Variants in CDC37L1 observed in about 807,000 individuals in gnomAD.
CDC37L1 encodes the protein cell division cycle 37 like 1, HSP90 cochaperone, also known as hsp90 co-chaperone Cdc37-like 1.
In CDC37L1, 32 loss-of-function variants were observed where a neutral mutation model predicts 45.9. That is an observed-to-expected ratio of 0.70 (90% CI 0.53 to 0.94). The LOEUF (loss-of-function observed/expected upper bound fraction) is 0.94. CDC37L1 is among the 40% of genes least tolerant of loss of function. CDC37L1 has a pLI of 0.00. For missense variants in CDC37L1, 434 were observed against 405.7 expected, an observed-to-expected ratio of 1.07 and a Z score of -0.60; for synonymous variants, 150 against 133.0, an observed-to-expected ratio of 1.13 and a Z score of -0.88.
intron 2 of CDC37L1, among the ~76,000 whole-genome samples, chr9:4,686,338 C>T (rs777322056): frequency 3.3e-5 from 5 of 152,178 alleles, no homozygotes; most frequent in Non-Finnish European, 5.9e-5. Context: ...ATATCTTTCT[C>T]GACTTTCTCT....
rs1484438850 is a variant in CDC37L1 at position 4,707,720 on chromosome 9, G to A, written c.*1608G>A. ...TTTTTTTTAAACCCATGACCTAGTCGTAGACATTTTTTTCTTTTTGTTCTG... is the reference window on the plus strand; with the variant it reads ...TTTTTTTTAAACCCATGACCTAGTCATAGACATTTTTTTCTTTTTGTTCTG... On this transcript the variant is annotated 3_prime_UTR_variant, in exon 7 of 7. Coordinates refer to ENST00000381854, the MANE Select transcript of CDC37L1 (RefSeq NM_017913.4). The A allele has an allele frequency of 6.6e-6, 1 of 150,746 alleles. No individual in the cohort carries two copies. Among genetic ancestry groups the A allele is most frequent in the Non-Finnish European group, 1.5e-5 (1 of 67,852 alleles). 9.3% of individuals were successfully genotyped at this position (150,746 alleles called of 1,614,324 possible). A position where few individuals can be genotyped will look rare whatever the true frequency, so the allele number is the denominator to read the frequency against.
intron 1 of CDC37L1, among the ~76,000 whole-genome samples, chr9:4,680,334 C>T (rs897032569): frequency 6.6e-6 from 1 of 152,232 alleles, no homozygotes; most frequent in African/African-American, 2.4e-5. Flanking sequence ...TGTAGTTCAG[C>T]ATCACACTGA....
chr9:4,701,790 T>C (rs1023463711), intron 5 of CDC37L1, 74 bp from the exon 6 acceptor site: 64 of 1,156,698 alleles, frequency 5.5e-5, no homozygotes, highest in East Asian at 2.7e-4. Context: ...AAACCTGTTA[T>C]ATGCTTTCTG....
intron 3 of CDC37L1, among the ~76,000 whole-genome samples, chr9:4,695,772 C>G (rs1049070367): frequency 6.6e-6 from 1 of 152,162 alleles, no homozygotes; most frequent in Admixed American, 6.5e-5. Context: ...GCTGAGATTA[C>G]AAGCATGTGC....
intron 5 of CDC37L1, among the ~76,000 whole-genome samples, chr9:4,698,386 AC>A (rs1841366939): frequency 6.6e-6 from 1 of 150,898 alleles, no homozygotes; most frequent in African/African-American, 2.4e-5. Flanking sequence ...TATTTATGGA[AC>A]TTTTGTAATG....
chr9:4,686,358 C>T (rs1381759358), intron 2 of CDC37L1, among the ~76,000 whole-genome samples: 1 of 152,142 alleles, frequency 6.6e-6, no homozygotes, highest in Non-Finnish European at 1.5e-5. Context: ...TGTGCCTGTA[C>T]TAATTTATAT....
rs972323889 is a variant in CDC37L1, at chr9:4,688,441, T to C, written c.415-72T>C. On this transcript the variant is annotated intron_variant, in intron 2 of 6. Coordinates refer to ENST00000381854, the MANE Select transcript of CDC37L1 (RefSeq NM_017913.4). ...ATTGTCTATAGGAAGAATTGCTAGA[T>C]ATTCAGTATCTGAGAAAGAAGATTC... is the stretch of plus-strand genomic sequence containing the variant. The C allele has an allele frequency of 6.4e-5, 52 of 815,934 alleles. No individual in the cohort carries two copies. In the Admixed American group the frequency reaches 1.4e-3, roughly 23 times the overall value. The allele number at this position is 815,934 out of a possible 1,614,324, so 50.5% of individuals were successfully genotyped here. A position where few individuals can be genotyped will look rare whatever the true frequency, so the allele number is the denominator to read the frequency against.
chr9:4,692,655 A>C (rs1042774951), intron 3 of CDC37L1, among the ~76,000 whole-genome samples: 1 of 152,232 alleles, frequency 6.6e-6, no homozygotes, highest in African/African-American at 2.4e-5. Context: ...TTGTGGTAGA[A>C]TTACAGCTAA....
chr9:4,692,810 G>C (rs1841313977), intron 3 of CDC37L1, among the ~76,000 whole-genome samples: 1 of 152,184 alleles, frequency 6.6e-6, no homozygotes, highest in Non-Finnish European at 1.5e-5. Flanking sequence ...TGTATTAACT[G>C]ATCATAGTAG....
chr9:4,703,847 C>T (rs1841420798), intron 6 of CDC37L1, among the ~76,000 whole-genome samples: 1 of 152,170 alleles, frequency 6.6e-6, no homozygotes, highest in Non-Finnish European at 1.5e-5. Flanking sequence ...TAGAATTATA[C>T]AATTCTGACA....
chr9:4,688,470 T>C, intron 2 of CDC37L1, 43 bp from the exon 3 acceptor site: 1 of 1,049,544 alleles, frequency 9.5e-7, no homozygotes. Context: ...AAGATTCAAT[T>C]AGAATTTAAA....
chr9:4,700,978 G>T lies in CDC37L1; in HGVS notation c.748-886G>T, dbSNP rs545576603. 4.6e-5 allele frequency among the ~76,000 whole-genome samples: 7 copies of T among 152,012 alleles called. No homozygotes were observed. In the East Asian group the frequency reaches 1.4e-3, roughly 30 times the overall value. ...TCCACACAAGTTCTTATAAAGTGAG[G>T]TGCTAAAATGTAATTAAGGAAATTC... On this transcript the variant is annotated intron_variant, in intron 5 of 6. Coordinates refer to ENST00000381854, the MANE Select transcript of CDC37L1 (RefSeq NM_017913.4).
chr9:4,680,055 C>T (rs188651746), intron 1 of CDC37L1, among the ~76,000 whole-genome samples, 156 bp downstream of exon 1: 2 of 152,352 alleles, frequency 1.3e-5, no homozygotes, highest in African/African-American at 4.8e-5. Context: ...TGCCATCCCA[C>T]CCCTTTTATG....
At chr9:4,698,213 T>G (rs1482058694) in intron 5 of CDC37L1, among the ~76,000 whole-genome samples, 1 of 151,984 alleles carries the variant, frequency 6.6e-6, no homozygotes, top group Non-Finnish European at 1.5e-5. Flanking sequence ...GATGCATTAT[T>G]GAGCAAAATA....
chr9:4,681,000 A>G (rs1191553692), intron 1 of CDC37L1, among the ~76,000 whole-genome samples: 2 of 152,216 alleles, frequency 1.3e-5, no homozygotes, highest in East Asian at 3.8e-4. Context: ...CTGGGGAACT[A>G]CAAGACATTT....
intron 2 of CDC37L1, 107 bp downstream of exon 2, chr9:4,685,265 C>A (rs1302985731): frequency 9.3e-6 from 8 of 862,072 alleles, no homozygotes; most frequent in Non-Finnish European, 1.5e-5. Context: ...AAACAGTGTT[C>A]AATTTTGACA....
rs147040693 is a variant in CDC37L1, at chr9:4,707,668, A to G, written c.*1556A>G. The stretch of plus-strand genomic sequence containing the variant: ...AATAAAATGTTTGACTAATTTATAT[A>G]GTAGTGTTTGTCAGCCTGTACTTTT... On this transcript the variant is annotated 3_prime_UTR_variant, in exon 7 of 7. Transcript: ENST00000381854. 33 of 151,996 alleles carry G rather than the reference A, an allele frequency of 2.2e-4. No homozygotes were observed. Among genetic ancestry groups the G allele is most frequent in the African/African-American group, 8.0e-4 (33 of 41,484 alleles). 9.4% of individuals were successfully genotyped at this position (151,996 alleles called of 1,614,324 possible).
intron 1 of CDC37L1, 26 bp downstream of exon 1, chr9:4,679,925 A>C: frequency 6.2e-7 from 1 of 1,612,582 alleles, no homozygotes; most frequent in Non-Finnish European, 8.5e-7. Flanking sequence ...CGTTCTGCGG[A>C]GGGATGGAGT....
At chr9:4,688,634 T>C in intron 3 of CDC37L1, 28 bp downstream of exon 3, 1 of 1,359,914 alleles carries the variant, frequency 7.4e-7, no homozygotes, top group Non-Finnish European at 1.0e-6. Context: ...ATTTCCTTCT[T>C]TGTAATGTTT....
Sources: gnomAD v4.1 joint callset for allele counts (sites outside exome capture counted in the v4.1 genomes callset) on GRCh38, gnomAD v4.1.1 for gene constraint, MANE v1.5 for transcripts, NCBI Gene and HGNC (gene_info 2026-07-23, HGNC 2026-07-21) for gene names.